The following NRXN1 variants were observed in gnomAD, a reference collection of about 807,000 sequenced individuals.
The protein encoded by NRXN1 is neurexin 1.
Under a neutral mutation model 150.9 loss-of-function variants are expected in NRXN1, and 39 were observed. The ratio of observed to expected loss-of-function variants is 0.26; its 90% CI spans 0.20 to 0.34. The LOEUF (loss-of-function observed/expected upper bound fraction) is 0.34. NRXN1 is among the 10% of genes least tolerant of loss of function. NRXN1 has a pLI of 1.00. For missense variants in NRXN1, 1,815 were observed against 1,949.9 expected, an observed-to-expected ratio of 0.93 and a Z score of 1.30; for synonymous variants, 924 against 757.0, an observed-to-expected ratio of 1.22 and a Z score of -3.62.
At chr2:51,031,059 T>C (rs1316327411) in intron 1 of NRXN1, among the ~76,000 whole-genome samples, 7 of 152,060 alleles carry the variant, frequency 4.6e-5, no homozygotes. Flanking sequence ...TATGTACATA[T>C]AGATATATAT....
intron 8 of NRXN1, among the ~76,000 whole-genome samples, chr2:50,562,593 T>C (rs1669269736): frequency 6.6e-6 from 1 of 152,166 alleles, no homozygotes. Flanking sequence ...TATGTATTAT[T>C]TTTAATCCAC....
In NRXN1 at chr2:50,496,118, GA is replaced by G. The variant is rs769729975; in HGVS notation, c.2880-24del. On this transcript the variant is annotated intron_variant, in intron 14 of 22. Coordinates refer to ENST00000401669, the MANE Select transcript of NRXN1 (RefSeq NM_001330078.2). ...TACCTGGGAAAAAAATGAAAGAGGGGAAAGTGCCATCACTTTTTAAATTTTG... is the reference window on the plus strand; with the variant it reads ...TACCTGGGAAAAAAATGAAAGAGGGGAAGTGCCATCACTTTTTAAATTTTG... The G allele has an allele frequency of 6.2e-5, 96 of 1,553,644 alleles. 1 individual carries two copies. The highest frequency in any genetic ancestry group is 7.9e-5 in the Non-Finnish European group (90 of 1,143,542).
At chr2:49,944,927 T>C (rs1043421632) in intron 21 of NRXN1, among the ~76,000 whole-genome samples, 6 of 152,168 alleles carry the variant, frequency 3.9e-5, no homozygotes, top group Admixed American at 3.3e-4. Context: ...GCACCTAATA[T>C]TGTCACAGAT....
chr2:50,139,091 C>T (rs1473240590), intron 18 of NRXN1, among the ~76,000 whole-genome samples: 1 of 152,176 alleles, frequency 6.6e-6, no homozygotes, highest in Admixed American at 6.5e-5. Context: ...TTTGGGAGGC[C>T]AAGGTGGGCA....
intron 18 of NRXN1, among the ~76,000 whole-genome samples, chr2:50,178,391 G>C (rs972259880): frequency 6.6e-6 from 1 of 151,986 alleles, no homozygotes; most frequent in Admixed American, 6.6e-5. Flanking sequence ...TAAGAGGACA[G>C]TCCATGATAA....
chr2:50,538,671 A>ATG, intron 9 of NRXN1, 35 bp from the exon 10 acceptor site: 1 of 1,422,514 alleles, frequency 7.0e-7, no homozygotes, highest in Non-Finnish European at 9.2e-7. Context: ...CAGGTCTTTA[A>ATG]AAAGCACCAA....
intron 5 of NRXN1, among the ~76,000 whole-genome samples, chr2:50,688,505 C>A (rs1234572330): frequency 6.6e-6 from 1 of 152,068 alleles, no homozygotes. Flanking sequence ...CAGAGTGGTG[C>A]AGGACTGGGT....
chr2:50,739,330 A>C, intron 5 of NRXN1: 1 of 432,188 alleles, frequency 2.3e-6, no homozygotes, highest in South Asian at 1.7e-5. Context: ...GTGACTGAAA[A>C]CAGAAAATAC....
intron 21 of NRXN1, among the ~76,000 whole-genome samples, chr2:49,965,423 C>T (rs1226158557): frequency 6.6e-6 from 1 of 151,796 alleles, no homozygotes; most frequent in Non-Finnish European, 1.5e-5. Flanking sequence ...CCCACCACCA[C>T]GCCCAGCTAA....
intron 5 of NRXN1, among the ~76,000 whole-genome samples, chr2:50,823,468 T>A (rs1237742980): frequency 6.6e-6 from 1 of 152,152 alleles, no homozygotes; most frequent in African/African-American, 2.4e-5. Flanking sequence ...ACTCCATAAA[T>A]TCTGGTGAAT....
chr2:50,754,367 C>T (rs1192919600), intron 5 of NRXN1, among the ~76,000 whole-genome samples: 1 of 151,752 alleles, frequency 6.6e-6, no homozygotes, highest in African/African-American at 2.4e-5. Context: ...GTGGGAGCTC[C>T]AGTTTTACTA....
chr2:49,943,629 G>A (rs1167476492), intron 22 of NRXN1, 75 bp downstream of exon 22: 1 of 934,902 alleles, frequency 1.1e-6, no homozygotes, highest in Non-Finnish European at 1.7e-6. Context: ...ATGAATATAA[G>A]GCCCTTCTAA....
chr2:50,710,456 T>C (rs1007806476), intron 5 of NRXN1, among the ~76,000 whole-genome samples: 1 of 152,186 alleles, frequency 6.6e-6, no homozygotes, highest in African/African-American at 2.4e-5. Context: ...ATAAACATTA[T>C]TCTTGCTTTC....
At chr2:50,033,317 A>C (rs990336508) in intron 21 of NRXN1, among the ~76,000 whole-genome samples, 1 of 152,130 alleles carries the variant, frequency 6.6e-6, no homozygotes, top group African/African-American at 2.4e-5. Context: ...CCCAGAAATA[A>C]GGCTGCACAC....
At chr2:50,200,795 T>C (rs1317682408) in intron 18 of NRXN1, among the ~76,000 whole-genome samples, 1 of 152,148 alleles carries the variant, frequency 6.6e-6, no homozygotes, top group African/African-American at 2.4e-5. Context: ...AACACTAAAT[T>C]TAAAGTCATT....
chr2:50,975,954 C>T (rs1048139704), intron 2 of NRXN1, among the ~76,000 whole-genome samples: 1 of 152,032 alleles, frequency 6.6e-6, no homozygotes, highest in Non-Finnish European at 1.5e-5. Flanking sequence ...CCTTATTAAG[C>T]AATGGCTTAG....
At chr2:50,287,901 T>C (rs1054682186) in intron 17 of NRXN1, among the ~76,000 whole-genome samples, 1 of 152,148 alleles carries the variant, frequency 6.6e-6, no homozygotes, top group Non-Finnish European at 1.5e-5. Context: ...TATTTCCTGA[T>C]ACATGAATTT....
intron 17 of NRXN1, among the ~76,000 whole-genome samples, chr2:50,356,291 ACTT>A (rs569825165): frequency 7.9e-5 from 12 of 152,248 alleles, no homozygotes; most frequent in African/African-American, 2.9e-4. Context: ...AGTTGGAAAA[ACTT>A]CTAGTAGCTC....
intron 19 of NRXN1, among the ~76,000 whole-genome samples, chr2:50,058,807 G>C (rs1257642965): frequency 6.6e-6 from 1 of 152,108 alleles, no homozygotes; most frequent in African/African-American, 2.4e-5. Context: ...CAGTTCCCCT[G>C]CAGATGGTCT....
Sources: allele counts gnomAD v4.1 joint callset (sites outside exome capture counted in the v4.1 genomes callset), GRCh38; gene constraint gnomAD v4.1.1; transcripts MANE v1.5; gene names NCBI Gene and HGNC (gene_info 2026-07-23, HGNC 2026-07-21).